MYRIP: variants seen among roughly 807,000 people sequenced by gnomAD.
The protein encoded by MYRIP is myosin VIIA and Rab interacting protein, also known as rab effector MyRIP.
MYRIP carries 49 observed loss-of-function variants against 98.0 expected under a neutral mutation model. The observed-to-expected ratio is 0.50, with a 90% CI of 0.40 to 0.63. The LOEUF (loss-of-function observed/expected upper bound fraction) is 0.63. MYRIP is among the 30% of genes least tolerant of loss of function. The pLI is 0.00. For synonymous variants in MYRIP, 404 were observed against 409.5 expected (o/e 0.99, Z 0.16); for missense variants, 1,004 against 1,058.2 (o/e 0.95, Z 0.71).
chr3:40,052,231 CTCTACCTCCATG>C (rs1947807872), intron 3 of MYRIP, among the ~76,000 whole-genome samples: 2 of 152,048 alleles, frequency 1.3e-5, no homozygotes, highest in African/African-American at 4.8e-5. Context: ...AAATTCTACT[CTCTACCTCCATG>C]AGGTCCACTT....
intron 2 of MYRIP, among the ~76,000 whole-genome samples, chr3:39,963,186 T>C (rs1189534075): frequency 6.6e-6 from 1 of 152,088 alleles, no homozygotes; most frequent in Non-Finnish European, 1.5e-5. Flanking sequence ...TTCTGTAAAA[T>C]GGGCAATGCT....
chr3:40,220,814 G>A (rs1235055849), intron 11 of MYRIP, among the ~76,000 whole-genome samples: 2 of 151,820 alleles, frequency 1.3e-5, no homozygotes, highest in South Asian at 2.1e-4. Flanking sequence ...AGAGAGTGAG[G>A]GAGGAGGTGC....
intron 2 of MYRIP, among the ~76,000 whole-genome samples, chr3:39,932,387 G>A (rs766520980): frequency 6.6e-6 from 1 of 151,746 alleles, no homozygotes; most frequent in African/African-American, 2.4e-5. Context: ...TTGGAACGGA[G>A]TCTCACTCTG....
intron 2 of MYRIP, among the ~76,000 whole-genome samples, chr3:39,930,839 T>A (rs1944523043): frequency 6.6e-6 from 1 of 152,124 alleles, no homozygotes; most frequent in African/African-American, 2.4e-5. Flanking sequence ...ACTATAAATT[T>A]AATGGCTTAT....
chr3:40,234,040 C>A lies in MYRIP; in HGVS notation c.2087C>A (p.Ser696Tyr). Residue 696 changes from serine to tyrosine, a missense_variant, in exon 12 of 17, where the codon TCC (serine) becomes TAC (tyrosine). By Grantham distance (144) the Ser-to-Tyr change is moderately radical. Coordinates refer to ENST00000302541, the MANE Select transcript of MYRIP (RefSeq NM_015460.4). ...GTGAGACTGGATGAGCAGCTGACTT[C>A]CCTGGAAGAAAATGTAAGAGGGTAT... is the stretch of plus-strand genomic sequence containing the variant. ...DQVRLDEQLT[S>Y]LEENVYLAAG... 1 of 1,602,418 alleles carries A rather than the reference C, an allele frequency of 6.2e-7. No homozygotes were observed. Among genetic ancestry groups the A allele is most frequent in the South Asian group, 1.1e-5 (1 of 88,598 alleles).
chr3:39,939,447 TATC>T (rs886722569), intron 2 of MYRIP, among the ~76,000 whole-genome samples: 44 of 152,150 alleles, frequency 2.9e-4, no homozygotes, highest in African/African-American at 1.0e-3. Context: ...GGACATAAAA[TATC>T]ATGATCACTG....
intron 1 of MYRIP, among the ~76,000 whole-genome samples, chr3:39,834,076 G>C (rs1941550761): frequency 6.6e-6 from 1 of 152,156 alleles, no homozygotes; most frequent in African/African-American, 2.4e-5. Context: ...TTTCTATCCA[G>C]TTTGAAGTAA....
intron 3 of MYRIP, among the ~76,000 whole-genome samples, chr3:40,107,442 T>C (rs1949070553): frequency 6.6e-6 from 1 of 152,160 alleles, no homozygotes; most frequent in Non-Finnish European, 1.5e-5. Flanking sequence ...GAAATTTCAA[T>C]ATGGCCTAAT....
chr3:40,255,690 C>CAGAT lies in MYRIP; in HGVS notation c.2548-2441_2548-2438dup, dbSNP rs377346877. Among the ~76,000 whole-genome samples the CAGAT allele has an allele frequency of 3.8e-3, 583 of 152,192 alleles. 1 individual carries two copies. Among genetic ancestry groups the CAGAT allele is most frequent in the Non-Finnish European group, 6.9e-3 (472 of 68,010 alleles). On this transcript the variant is annotated intron_variant, in intron 16 of 16. Transcript: ENST00000302541. The stretch of plus-strand genomic sequence containing the variant: ...CATGAGCCTTTCTTGATTGATTTGG[C>CAGAT]AGATAGTAGAGCAACACAATTTATG...
intron 2 of MYRIP, among the ~76,000 whole-genome samples, chr3:40,028,607 G>T (rs2125815371): frequency 6.6e-6 from 1 of 152,212 alleles, no homozygotes; most frequent in East Asian, 1.9e-4. Flanking sequence ...GGCCCCAAAA[G>T]GTTGGGGAAC....
At chr3:39,875,332 C>G (rs1244393270) in intron 1 of MYRIP, among the ~76,000 whole-genome samples, 5 of 151,886 alleles carry the variant, frequency 3.3e-5, no homozygotes, top group Admixed American at 2.0e-4. Context: ...TTTTGTGTCT[C>G]TATTTCCTTC....
At chr3:40,046,216 A>G (rs1947665496) in intron 3 of MYRIP, among the ~76,000 whole-genome samples, 1 of 152,110 alleles carries the variant, frequency 6.6e-6, no homozygotes, top group African/African-American at 2.4e-5. Context: ...TGTGAGAGAC[A>G]TAAGGAGTTG....
At chr3:39,887,346 G>C (rs985363041) in intron 1 of MYRIP, among the ~76,000 whole-genome samples, 7 of 151,778 alleles carry the variant, frequency 4.6e-5, no homozygotes, top group Admixed American at 3.3e-4. Flanking sequence ...AATCAGAGCA[G>C]AACTGAAGGA....
intron 12 of MYRIP, 110 bp downstream of exon 12, chr3:40,234,163 C>CACACA: frequency 1.9e-6 from 2 of 1,054,368 alleles, no homozygotes; most frequent in Non-Finnish European, 2.6e-6. Flanking sequence ...CACACACACA[C>CACACA]CACTACCACT....
chr3:40,227,233 T>G (rs1295764644), intron 11 of MYRIP, among the ~76,000 whole-genome samples: 1 of 152,158 alleles, frequency 6.6e-6, no homozygotes, highest in Non-Finnish European at 1.5e-5. Context: ...AGGGAATCAT[T>G]GATGATGTTT....
intron 1 of MYRIP, among the ~76,000 whole-genome samples, chr3:39,876,017 G>C (rs939497683): frequency 3.9e-4 from 59 of 152,172 alleles, no homozygotes; most frequent in South Asian, 4.1e-4. Flanking sequence ...TTATGAATCT[G>C]GGTGCTCCTG....
chr3:39,973,545 A>G (rs1336714820), intron 2 of MYRIP, among the ~76,000 whole-genome samples: 1 of 152,172 alleles, frequency 6.6e-6, no homozygotes, highest in African/African-American at 2.4e-5. Context: ...CTCTGCACCA[A>G]GCGGACCTAG....
At chr3:40,220,157 C>A (rs1387719330) in intron 11 of MYRIP, among the ~76,000 whole-genome samples, 4 of 151,740 alleles carry the variant, frequency 2.6e-5, no homozygotes, top group African/African-American at 4.8e-5. Context: ...CTGTTCATAT[C>A]CTTCGCCCAC....
At chr3:39,818,538 A>C (rs1421566052) in intron 1 of MYRIP, among the ~76,000 whole-genome samples, 1 of 152,156 alleles carries the variant, frequency 6.6e-6, no homozygotes, top group Non-Finnish European at 1.5e-5. Context: ...AGAATAGTTA[A>C]GTTGTTTTAC....
Sources: gnomAD v4.1 joint callset for allele counts (sites outside exome capture counted in the v4.1 genomes callset) on GRCh38, gnomAD v4.1.1 for gene constraint, MANE v1.5 for transcripts, NCBI Gene and HGNC (gene_info 2026-07-23, HGNC 2026-07-21) for gene names.